The following PRKDC variants were observed in gnomAD, a reference collection of about 807,000 sequenced individuals.
PRKDC encodes the protein DNA-dependent protein kinase catalytic subunit.
PRKDC carries 82 observed loss-of-function variants against 486.9 expected under a neutral mutation model. The observed-to-expected ratio is 0.17, with a 90% CI of 0.14 to 0.20. The LOEUF is 0.20. Among genes scored for constraint, PRKDC ranks in the 10% least tolerant of loss-of-function variants. The pLI is 1.00. For synonymous variants in PRKDC, 1,895 were observed against 1,837.0 expected (o/e 1.03, Z -0.81); for missense variants, 4,504 against 5,038.2 (o/e 0.89, Z 3.21).
chr8:47,912,578 A>G lies in PRKDC; in HGVS notation c.2782-16T>C. ...AGGCTGCAACCTAAAACAGACCAGG[A>G]GGTCAGCAATGTTTAAGTTATCACG... On this transcript the variant is annotated splice_polypyrimidine_tract_variant and intron_variant, in intron 24 of 85. Coordinates refer to ENST00000314191, the MANE Select transcript of PRKDC (RefSeq NM_006904.7). 4 of 1,570,336 alleles carry G rather than the reference A, an allele frequency of 2.5e-6. No homozygotes were observed. Among genetic ancestry groups the G allele is most frequent in the Non-Finnish European group, 3.5e-6 (4 of 1,155,282 alleles).
At chr8:47,872,253 G>A (rs766557191) in intron 40 of PRKDC, among the ~76,000 whole-genome samples, 3 of 151,620 alleles carry the variant, frequency 2.0e-5, no homozygotes, top group East Asian at 3.9e-4. Context: ...CAAGCCTCAC[G>A]GTAACCTCAA....
intron 69 of PRKDC, among the ~76,000 whole-genome samples, chr8:47,806,008 A>G (rs1222690592): frequency 6.6e-6 from 1 of 152,158 alleles, no homozygotes; most frequent in Non-Finnish European, 1.5e-5. Flanking sequence ...GATCCCGGTA[A>G]GGATGCAGTC....
In PRKDC at chr8:47,807,209, T is replaced by C. The variant is rs2087231322; in HGVS notation, c.9675A>G (p.Glu3225=). 6.2e-7 allele frequency: 1 copy of C among 1,613,804 alleles called. No homozygotes were observed. Among genetic ancestry groups the C allele is most frequent in the African/African-American group, 1.3e-5 (1 of 74,916 alleles). The change falls in exon 69 of 86, where the codon GAA becomes GAG. Residue 3225 remains glutamate (E), a synonymous_variant. Coordinates refer to ENST00000314191, the MANE Select transcript of PRKDC (RefSeq NM_006904.7). ...SDRMEVQEQE[E]DISSLIRSCK... ...AACTCCTGATCAGGGAGCTGATATC[T>C]TCTTCCTGCTCTTGCACTTCCATCC... is the stretch of plus-strand genomic sequence containing the variant.
At chr8:47,870,380 G>C (rs1291962721) in intron 40 of PRKDC, among the ~76,000 whole-genome samples, 1 of 152,166 alleles carries the variant, frequency 6.6e-6, no homozygotes, top group Non-Finnish European at 1.5e-5. Flanking sequence ...GTAAGTAAAG[G>C]AAACAAGAGT....
chr8:47,869,380 A>G (rs1199744586), intron 40 of PRKDC, among the ~76,000 whole-genome samples: 1 of 151,730 alleles, frequency 6.6e-6, no homozygotes, highest in Non-Finnish European at 1.5e-5. Context: ...CCCTCACTCC[A>G]GGTCCTGGCT....
rs1224839106 is a variant in PRKDC, at chr8:47,927,185, A to G, written c.2419+9T>C. 6.2e-7 allele frequency: 1 copy of G among 1,611,668 alleles called. No individual in the cohort carries two copies. The highest frequency in any genetic ancestry group is 1.3e-5 in the African/African-American group (1 of 74,878). On this transcript the variant is annotated intron_variant, in intron 21 of 85. Coordinates refer to ENST00000314191, the MANE Select transcript of PRKDC (RefSeq NM_006904.7). ...TTACAATACACATCACAATTCTTCT[A>G]AACATTACCTGACAAGGCTGAAGTC... is the stretch of plus-strand genomic sequence containing the variant.
intron 27 of PRKDC, 123 bp from the exon 28 acceptor site, chr8:47,900,590 G>A (rs1295320068): frequency 2.5e-5 from 20 of 791,702 alleles, no homozygotes; most frequent in Non-Finnish European, 2.3e-5. Context: ...GGCCGGGTGC[G>A]GTGGCTCACG....
intron 80 of PRKDC, 37 bp from the exon 81 acceptor site, chr8:47,779,130 A>G (rs1563729726): frequency 1.4e-6 from 2 of 1,440,574 alleles, no homozygotes; most frequent in South Asian, 2.6e-5. Context: ...AATTAGGAAG[A>G]TTTTAGCATT....
chr8:47,905,079 T>A (rs1198615685), intron 25 of PRKDC, 103 bp from the exon 26 acceptor site: 2 of 799,830 alleles, frequency 2.5e-6, no homozygotes, highest in Non-Finnish European at 4.0e-6. Flanking sequence ...AATTAAGTAA[T>A]ACTACTACCA....
chr8:47,779,990 C>CT (rs1044838818), intron 80 of PRKDC, among the ~76,000 whole-genome samples: 5 of 146,786 alleles, frequency 3.4e-5, no homozygotes, highest in African/African-American at 1.3e-4. Flanking sequence ...TCTCGGCTTG[C>CT]TACAACCTCT....
intron 37 of PRKDC, 74 bp downstream of exon 37, chr8:47,881,838 C>G (rs2089226161): frequency 1.6e-6 from 2 of 1,289,068 alleles, no homozygotes; most frequent in Admixed American, 6.0e-5. Flanking sequence ...GGAGCAACCT[C>G]CATCAAATTT....
intron 54 of PRKDC, among the ~76,000 whole-genome samples, chr8:47,848,281 T>C (rs1412836592): frequency 6.6e-6 from 1 of 152,160 alleles, no homozygotes; most frequent in Non-Finnish European, 1.5e-5. Flanking sequence ...ATGGTACATA[T>C]ATACCATGGA....
intron 74 of PRKDC, among the ~76,000 whole-genome samples, chr8:47,791,614 C>T (rs2086885313): frequency 1.3e-5 from 2 of 152,048 alleles, no homozygotes. Flanking sequence ...AAATGGTAAA[C>T]AGGTATATAA....
chr8:47,856,190 G>A (rs923348962), intron 49 of PRKDC, among the ~76,000 whole-genome samples: 9 of 152,116 alleles, frequency 5.9e-5, no homozygotes, highest in African/African-American at 1.7e-4. Flanking sequence ...AGAGACAAGC[G>A]TGTGAGAAAG....
chr8:47,869,792 G>C (rs192749041), intron 40 of PRKDC, among the ~76,000 whole-genome samples: 1 of 152,088 alleles, frequency 6.6e-6, no homozygotes, highest in African/African-American at 2.4e-5. Context: ...CTGGGCCAGA[G>C]GGGAGCCCAC....
At chr8:47,783,919 CT>C in intron 77 of PRKDC, 110 bp from the exon 78 acceptor site, 1 of 1,107,434 alleles carries the variant, frequency 9.0e-7, no homozygotes, top group Non-Finnish European at 1.4e-6. Context: ...ATGATAAAAC[CT>C]TTTACTGAAA....
intron 7 of PRKDC, among the ~76,000 whole-genome samples, chr8:47,951,839 T>A (rs2090630257): frequency 6.6e-6 from 1 of 152,146 alleles, no homozygotes; most frequent in Non-Finnish European, 1.5e-5. Context: ...GGCACACAAA[T>A]GGTGAGTACA....
chr8:47,954,040 T>G (rs961326211), intron 5 of PRKDC, 121 bp from the exon 6 acceptor site: 13 of 584,434 alleles, frequency 2.2e-5, no homozygotes, highest in Admixed American at 2.0e-4. Context: ...CAGTAAGAGA[T>G]ATAAAATATA....
At chr8:47,861,979 T>C in intron 44 of PRKDC, 83 bp downstream of exon 44, 1 of 1,122,612 alleles carries the variant, frequency 8.9e-7, no homozygotes, top group Non-Finnish European at 1.3e-6. Context: ...ACTTGAATAT[T>C]GGCAACTTAA....
Sources: allele counts gnomAD v4.1 joint callset (sites outside exome capture counted in the v4.1 genomes callset), GRCh38; gene constraint gnomAD v4.1.1; transcripts MANE v1.5; gene names NCBI Gene and HGNC (gene_info 2026-07-23, HGNC 2026-07-21).